Variants in FER observed in about 807,000 individuals in gnomAD.
FER encodes the protein tyrosine-protein kinase Fer.
FER carries 63 observed loss-of-function variants against 111.0 expected under a neutral mutation model. The ratio of observed to expected loss-of-function variants is 0.57; its 90% CI spans 0.46 to 0.70. FER has a LOEUF of 0.70. FER is among the 30% of genes least tolerant of loss of function. The probability of loss-of-function intolerance (pLI) is 0.00; values close to 1 mark genes in which losing one functional copy is unlikely to be tolerated. For synonymous variants in FER, 327 were observed against 313.9 expected (o/e 1.04, Z -0.44); for missense variants, 914 against 954.0 (o/e 0.96, Z 0.55).
intron 13 of FER, among the ~76,000 whole-genome samples, chr5:109,031,077 A>T (rs1389603166): frequency 1.3e-5 from 2 of 151,932 alleles, no homozygotes; most frequent in Non-Finnish European, 2.9e-5. Flanking sequence ...GCTTATTGTT[A>T]GTTGGATCTC....
chr5:109,003,816 C>G (rs1765144820), intron 13 of FER, among the ~76,000 whole-genome samples: 1 of 151,522 alleles, frequency 6.6e-6, no homozygotes, highest in Non-Finnish European at 1.5e-5. Context: ...CCCATCTCTA[C>G]AAAAAAAATT....
intron 10 of FER, among the ~76,000 whole-genome samples, chr5:108,921,689 C>T (rs893518657): frequency 2.0e-5 from 3 of 152,004 alleles, no homozygotes; most frequent in East Asian, 3.9e-4. Flanking sequence ...TTAGAAAAGA[C>T]GTTGACAATG....
rs1759092854 is a variant in FER at position 109,188,242 on chromosome 5, C to A, written c.*667C>A. 1 of 145,258 alleles carries A rather than the reference C, an allele frequency of 6.9e-6. No homozygotes were observed. Among genetic ancestry groups the A allele is most frequent in the Non-Finnish European group, 1.5e-5 (1 of 66,016 alleles). The allele number at this position is 145,258 out of a possible 1,614,324, so 9.0% of individuals were successfully genotyped here. On this transcript the variant is annotated 3_prime_UTR_variant, in exon 20 of 20. Transcript: ENST00000281092. ...GCACGGTGGCTCACGCCTGTAATCC[C>A]AGGCATGTAATCTCATGCCTGGGAT...
intron 1 of FER, 122 bp from the exon 2 acceptor site, chr5:108,767,971 C>T (rs761458112): frequency 2.0e-5 from 3 of 152,174 alleles, no homozygotes; most frequent in South Asian, 2.1e-4. Flanking sequence ...TTATTTTTAA[C>T]GTAGCAATTG....
chr5:108,934,009 G>A (rs974008456), intron 10 of FER, among the ~76,000 whole-genome samples: 1 of 152,054 alleles, frequency 6.6e-6, no homozygotes, highest in Admixed American at 6.6e-5. Flanking sequence ...TGAGACGATG[G>A]CGTTTTCTAA....
intron 16 of FER, among the ~76,000 whole-genome samples, chr5:109,078,972 A>G (rs1201212803): frequency 6.6e-6 from 1 of 152,104 alleles, no homozygotes; most frequent in Non-Finnish European, 1.5e-5. Context: ...CATTGCATTC[A>G]CTTCTATTTG....
intron 2 of FER, among the ~76,000 whole-genome samples, chr5:108,797,446 G>A (rs1756157268): frequency 6.6e-6 from 1 of 152,142 alleles, no homozygotes; most frequent in Non-Finnish European, 1.5e-5. Context: ...GGCTATGGCT[G>A]GTCTAAATGC....
chr5:109,161,385 T>TTACC (rs1755974956), intron 17 of FER, among the ~76,000 whole-genome samples: 1 of 152,048 alleles, frequency 6.6e-6, no homozygotes, highest in African/African-American at 2.4e-5. Context: ...CCCACTAGAC[T>TTACC]TACTGGGTTA....
intron 16 of FER, among the ~76,000 whole-genome samples, chr5:109,059,653 GA>G (rs1284895869): frequency 2.6e-5 from 4 of 152,210 alleles, no homozygotes; most frequent in Non-Finnish European, 4.4e-5. Context: ...AAAGGCAGTA[GA>G]GGTTAGTGGT....
intron 5 of FER, 162 bp downstream of exon 5, chr5:108,835,969 T>TA (rs2150140958): frequency 2.5e-6 from 1 of 401,472 alleles, no homozygotes; most frequent in Non-Finnish European, 4.6e-6. Context: ...TAGTAAGTCT[T>TA]ACTAATTTTC....
At chr5:108,751,535 C>T (rs1750513050) in intron 1 of FER, among the ~76,000 whole-genome samples, 1 of 152,276 alleles carries the variant, frequency 6.6e-6, no homozygotes. Context: ...TAGTTTTGTA[C>T]TTGATTTATA....
At chr5:109,117,877 G>A (rs1287854379) in intron 17 of FER, among the ~76,000 whole-genome samples, 1 of 151,978 alleles carries the variant, frequency 6.6e-6, no homozygotes, top group Non-Finnish European at 1.5e-5. Flanking sequence ...AGACTTTGCT[G>A]AAGTTGCCTA....
intron 14 of FER, among the ~76,000 whole-genome samples, chr5:109,044,328 G>A (rs1771631804): frequency 6.6e-6 from 1 of 151,690 alleles, no homozygotes. Context: ...ACAGGCGCCC[G>A]CCACCATGCT....
chr5:108,860,691 C>A (rs1484541743), intron 5 of FER, among the ~76,000 whole-genome samples: 1 of 152,060 alleles, frequency 6.6e-6, no homozygotes, highest in Admixed American at 6.5e-5. Context: ...CCTAGGATAG[C>A]GAGTGTAGAG....
intron 1 of FER, among the ~76,000 whole-genome samples, chr5:108,750,795 C>A (rs1236866297): frequency 1.3e-5 from 2 of 152,166 alleles, no homozygotes; most frequent in Non-Finnish European, 2.9e-5. Context: ...GCAGAAGAGT[C>A]GAGTTGAACC....
At chr5:108,769,982 C>G (rs974881059) in intron 2 of FER, among the ~76,000 whole-genome samples, 3 of 152,038 alleles carry the variant, frequency 2.0e-5, no homozygotes, top group South Asian at 2.1e-4. Context: ...GAGCTTCACT[C>G]TTGTTGCTCA....
intron 13 of FER, among the ~76,000 whole-genome samples, chr5:108,966,297 A>G (rs1759805568): frequency 6.6e-6 from 1 of 152,172 alleles, no homozygotes; most frequent in Non-Finnish European, 1.5e-5. Flanking sequence ...ATGCAAATTG[A>G]AAGGCAGGAT....
chr5:109,035,719 A>G (rs908008288), intron 13 of FER, among the ~76,000 whole-genome samples: 2 of 152,220 alleles, frequency 1.3e-5, no homozygotes, highest in Non-Finnish European at 2.9e-5. Context: ...TATTTTCCCA[A>G]ACGCAAAAAT....
At chr5:108,836,399 G>C (rs1760665401) in intron 5 of FER, among the ~76,000 whole-genome samples, 1 of 152,086 alleles carries the variant, frequency 6.6e-6, no homozygotes, top group South Asian at 2.1e-4. Context: ...TTTCAGTAAA[G>C]ACTAAGCATA....
Sources: allele counts gnomAD v4.1 joint callset (sites outside exome capture counted in the v4.1 genomes callset), GRCh38; gene constraint gnomAD v4.1.1; transcripts MANE v1.5; gene names NCBI Gene and HGNC (gene_info 2026-07-23, HGNC 2026-07-21).